The following FRMD4A variants were observed in gnomAD, a reference collection of about 807,000 sequenced individuals.
FRMD4A encodes FERM domain-containing protein 4A.
A neutral mutation model predicts 129.1 loss-of-function variants in FRMD4A; 29 were observed. The observed-to-expected ratio is 0.22, with a 90% CI of 0.17 to 0.31. The LOEUF is 0.31. FRMD4A is among the 10% of genes least tolerant of loss of function. The probability of loss-of-function intolerance (pLI) is 1.00; values close to 1 mark genes in which losing one functional copy is unlikely to be tolerated. For synonymous variants in FRMD4A, 634 were observed against 571.6 expected, an observed-to-expected ratio of 1.11 and a Z score of -1.56; for missense variants, 1,272 against 1,375.8, an observed-to-expected ratio of 0.92 and a Z score of 1.19.
chr10:13,647,733 T>G (rs1362388807), intron 24 of FRMD4A: 1 of 22,368 alleles, frequency 4.5e-5, no homozygotes, highest in Non-Finnish European at 1.0e-4. Flanking sequence ...AATAAAAGGC[T>G]TTTTTTTTTT....
At chr10:14,019,304 A>G (rs913375011) in intron 2 of FRMD4A, among the ~76,000 whole-genome samples, 4 of 152,368 alleles carry the variant, frequency 2.6e-5, no homozygotes, top group Admixed American at 2.6e-4. Flanking sequence ...AAAATCTTAG[A>G]TAAAAATGAT....
intron 6 of FRMD4A, among the ~76,000 whole-genome samples, chr10:13,772,206 TTTATTTA>T (rs1240098722): frequency 1.0e-5 from 1 of 99,256 alleles, no homozygotes; most frequent in Non-Finnish European, 2.7e-5. Context: ...ATAATAAATA[TTTATTTA>T]TTATTATTAT....
chr10:14,052,596 T>G (rs927473340), intron 2 of FRMD4A, among the ~76,000 whole-genome samples: 1 of 152,110 alleles, frequency 6.6e-6, no homozygotes, highest in Non-Finnish European at 1.5e-5. Context: ...CTCACTCTGG[T>G]CACCCAGGCT....
intron 2 of FRMD4A, among the ~76,000 whole-genome samples, chr10:14,223,968 C>G (rs889028461): frequency 6.6e-6 from 1 of 152,262 alleles, no homozygotes; most frequent in Admixed American, 6.5e-5. Context: ...GGACCCTTCT[C>G]TAATATGGAT....
chr10:14,191,371 A>G (rs921104676), intron 2 of FRMD4A, among the ~76,000 whole-genome samples: 1 of 152,222 alleles, frequency 6.6e-6, no homozygotes, highest in South Asian at 2.1e-4. Context: ...TAATGGGGTC[A>G]AAGGTGAACA....
chr10:14,310,589 A>G (rs1223647293), intron 2 of FRMD4A, among the ~76,000 whole-genome samples: 3 of 152,182 alleles, frequency 2.0e-5, no homozygotes, highest in Non-Finnish European at 4.4e-5. Context: ...CTTTGTCACC[A>G]CGTGTACAGT....
intron 3 of FRMD4A, among the ~76,000 whole-genome samples, chr10:13,851,952 T>G (rs1159492436): frequency 1.3e-5 from 2 of 151,568 alleles, no homozygotes; most frequent in Non-Finnish European, 2.9e-5. Context: ...CACTCACATG[T>G]GGGACCATCT....
intron 2 of FRMD4A, among the ~76,000 whole-genome samples, chr10:14,257,376 T>C (rs1463917835): frequency 6.6e-6 from 1 of 152,120 alleles, no homozygotes; most frequent in Non-Finnish European, 1.5e-5. Flanking sequence ...GAGGTTAATA[T>C]ATAAACTGAT....
chr10:13,984,270 T>G (rs918973920), intron 2 of FRMD4A, among the ~76,000 whole-genome samples: 1 of 152,180 alleles, frequency 6.6e-6, no homozygotes, highest in African/African-American at 2.4e-5. Context: ...TTTCCCCTTG[T>G]GGCCAGGTGA....
intron 2 of FRMD4A, among the ~76,000 whole-genome samples, chr10:14,014,594 A>G (rs1237628164): frequency 3.3e-5 from 5 of 152,170 alleles, no homozygotes; most frequent in Non-Finnish European, 7.3e-5. Flanking sequence ...AAGGCTGCCT[A>G]CATCCATAAT....
At chr10:13,827,028 G>T (rs2093711025) in intron 3 of FRMD4A, among the ~76,000 whole-genome samples, 1 of 152,148 alleles carries the variant, frequency 6.6e-6, no homozygotes, top group Non-Finnish European at 1.5e-5. Flanking sequence ...TTTAGAGGAG[G>T]TTTACGGAAT....
At chr10:14,287,971 TC>T (rs1845734897) in intron 2 of FRMD4A, among the ~76,000 whole-genome samples, 1 of 151,854 alleles carries the variant, frequency 6.6e-6, no homozygotes, top group South Asian at 2.1e-4. Flanking sequence ...CTTCCTAGAC[TC>T]CCACCAAGAA....
chr10:14,008,552 T>C, intron 2 of FRMD4A: 2 of 977,758 alleles, frequency 2.0e-6, no homozygotes, highest in Non-Finnish European at 2.4e-6. Flanking sequence ...AGGTCAGTTG[T>C]CTAATCAAAG....
Position 14,294,781 on chromosome 10 carries a change from A to T in FRMD4A, c.45+35277T>A, listed in dbSNP as rs774564888. 4.6e-4 allele frequency among the ~76,000 whole-genome samples: 70 copies of T among 152,306 alleles called. 1 individual carries two copies. Among genetic ancestry groups the T allele is most frequent in the Middle Eastern group, 6.8e-3 (2 of 294 alleles). ...AAAAACACGAGCTTTATTAAATATC[A>T]GCTCTCATCTTATTTCCAAGAAGGC... On this transcript the variant is annotated intron_variant, in intron 2 of 24. Coordinates refer to ENST00000357447, the MANE Select transcript of FRMD4A (RefSeq NM_018027.5).
intron 12 of FRMD4A, among the ~76,000 whole-genome samples, chr10:13,715,381 A>G (rs2088677532): frequency 6.6e-6 from 1 of 152,184 alleles, no homozygotes. Flanking sequence ...TGAGTTAAAC[A>G]TTTCCTACCG....
intron 2 of FRMD4A, among the ~76,000 whole-genome samples, chr10:14,169,941 G>A (rs1841388908): frequency 6.6e-6 from 1 of 152,158 alleles, no homozygotes; most frequent in African/African-American, 2.4e-5. Flanking sequence ...GGTTCACAGA[G>A]TTCTTTACAT....
rs1218401 is a variant in FRMD4A, at chr10:14,242,090, T to C, written c.45+87968A>G. Among the ~76,000 whole-genome samples, 1,457 of 152,326 alleles carry C rather than the reference T, an allele frequency of 9.6e-3. 29 individuals carry two copies. Among genetic ancestry groups the C allele is most frequent in the African/African-American group, 0.034 (1,402 of 41,574 alleles). On this transcript the variant is annotated intron_variant, in intron 2 of 24. Coordinates refer to ENST00000357447, the MANE Select transcript of FRMD4A (RefSeq NM_018027.5). ...CACTACTCGAGGTACTTGTACCTAT[T>C]GTCTCAAGCTAAGTACACCAGGCTT...
rs1251111566 is a variant in FRMD4A at position 14,066,708 on chromosome 10, G to T, written c.46-207796C>A. ...CAAAGCAGATTGAAAAGAGATGCAGGATCGACAATGGCAATAAAAGTCATG... is the reference window on the plus strand; with the variant it reads ...CAAAGCAGATTGAAAAGAGATGCAGTATCGACAATGGCAATAAAAGTCATG... On this transcript the variant is annotated intron_variant, in intron 2 of 24. Transcript: ENST00000357447. Among the ~76,000 whole-genome samples, 3 of 152,010 alleles carry T rather than the reference G, an allele frequency of 2.0e-5. No individual in the cohort carries two copies. In the East Asian group the frequency reaches 5.8e-4, roughly 29 times the overall value.
chr10:13,937,747 T>C (rs2095260388), intron 2 of FRMD4A, among the ~76,000 whole-genome samples: 1 of 152,326 alleles, frequency 6.6e-6, no homozygotes, highest in South Asian at 2.1e-4. Context: ...CTAAATCCAT[T>C]TCCAGTGAGA....
Sources: gnomAD v4.1 joint callset for allele counts (sites outside exome capture counted in the v4.1 genomes callset) on GRCh38, gnomAD v4.1.1 for gene constraint, MANE v1.5 for transcripts, NCBI Gene and HGNC (gene_info 2026-07-23, HGNC 2026-07-21) for gene names.